The following TRIM44 variants were observed in gnomAD, a reference collection of about 807,000 sequenced individuals.
The protein encoded by TRIM44 is tripartite motif containing 44, also known as tripartite motif-containing protein 44.
TRIM44 carries 13 observed loss-of-function variants against 37.4 expected under a neutral mutation model. The ratio of observed to expected loss-of-function variants is 0.35; its 90% CI spans 0.23 to 0.55. The LOEUF is 0.55. Ranked by LOEUF, TRIM44 falls within the 20% of genes least tolerant of loss-of-function variation. The pLI is 0.89. For synonymous variants in TRIM44, 175 were observed against 157.2 expected, an observed-to-expected ratio of 1.11 and a Z score of -0.85; for missense variants, 426 against 437.2, an observed-to-expected ratio of 0.97 and a Z score of 0.23.
chr11:35,692,379 T>C (rs943995707), intron 2 of TRIM44, among the ~76,000 whole-genome samples: 6 of 152,172 alleles, frequency 3.9e-5, no homozygotes, highest in Non-Finnish European at 5.9e-5. Flanking sequence ...TTCTTTGTCT[T>C]TTGTGCATAA....
rs923892425 is a variant in TRIM44, at chr11:35,809,378, G to C, written c.*2993G>C. 1.3e-5 allele frequency: 2 copies of C among 152,114 alleles called. No homozygotes were observed. The highest frequency in any genetic ancestry group is 4.8e-5 in the African/African-American group (2 of 41,414). 9.4% of individuals were successfully genotyped at this position (152,114 alleles called of 1,614,324 possible). On this transcript the variant is annotated 3_prime_UTR_variant, in exon 5 of 5. Coordinates refer to ENST00000299413, the MANE Select transcript of TRIM44 (RefSeq NM_017583.6). ...AAACAGAAGGATAAAAAGACTTCAG[G>C]TTTTCCCACTGTGTGCTGACCATCC...
chr11:35,789,520 C>A (rs1241650733), intron 4 of TRIM44, among the ~76,000 whole-genome samples: 1 of 152,224 alleles, frequency 6.6e-6, no homozygotes, highest in East Asian at 1.9e-4. Flanking sequence ...AAACTGGGAC[C>A]CAGTGGAATA....
chr11:35,770,904 G>A (rs183760116), intron 4 of TRIM44, among the ~76,000 whole-genome samples: 3 of 152,126 alleles, frequency 2.0e-5, no homozygotes, highest in East Asian at 1.9e-4. Context: ...GCCTCCTGCC[G>A]TGAATCTGAG....
intron 4 of TRIM44, among the ~76,000 whole-genome samples, chr11:35,763,871 A>C (rs2133861611): frequency 6.6e-6 from 1 of 152,282 alleles, no homozygotes; most frequent in South Asian, 2.1e-4. Flanking sequence ...CAGGGCCTGG[A>C]GGTCGTGGAA....
At chr11:35,720,299 A>G (rs910909500) in intron 2 of TRIM44, among the ~76,000 whole-genome samples, 6 of 152,002 alleles carry the variant, frequency 3.9e-5, no homozygotes, top group Admixed American at 3.3e-4. Context: ...TGTAAATGGT[A>G]TTATCTTTTT....
At chr11:35,769,530 A>C (rs1417950107) in intron 4 of TRIM44, among the ~76,000 whole-genome samples, 1 of 152,240 alleles carries the variant, frequency 6.6e-6, no homozygotes, top group African/African-American at 2.4e-5. Context: ...GGAGATTAAC[A>C]GCATGGGATT....
At chr11:35,777,781 G>A (rs967216689) in intron 4 of TRIM44, among the ~76,000 whole-genome samples, 1 of 152,076 alleles carries the variant, frequency 6.6e-6, no homozygotes, top group Non-Finnish European at 1.5e-5. Context: ...TTGAATATTG[G>A]CCCCCACTCT....
intron 4 of TRIM44, among the ~76,000 whole-genome samples, chr11:35,775,021 T>A (rs1450034888): frequency 1.3e-5 from 2 of 152,224 alleles, no homozygotes; most frequent in Non-Finnish European, 2.9e-5. Context: ...ATTGGTAGCT[T>A]GATTGGGGAT....
intron 2 of TRIM44, among the ~76,000 whole-genome samples, chr11:35,710,262 G>A (rs1851951849): frequency 6.6e-6 from 1 of 151,918 alleles, no homozygotes. Context: ...TAGAGAGAGA[G>A]CTTTGTATCC....
intron 4 of TRIM44, among the ~76,000 whole-genome samples, chr11:35,786,729 C>G (rs192279243): frequency 1.7e-3 from 262 of 152,022 alleles, no homozygotes; most frequent in Non-Finnish European, 3.1e-3. Context: ...TATTATAATG[C>G]ATACTCATTG....
At chr11:35,717,092 C>T (rs1239654960) in intron 2 of TRIM44, among the ~76,000 whole-genome samples, 1 of 152,288 alleles carries the variant, frequency 6.6e-6, no homozygotes, top group Non-Finnish European at 1.5e-5. Context: ...TAGAGAAGTA[C>T]ATCAGCCAAG....
At chr11:35,717,670 C>G (rs965102586) in intron 2 of TRIM44, among the ~76,000 whole-genome samples, 3 of 152,056 alleles carry the variant, frequency 2.0e-5, no homozygotes, top group African/African-American at 4.8e-5. Flanking sequence ...ACCCACTGGG[C>G]GGTTACAAAA....
At position 35,694,084 on chromosome 11, in the gene TRIM44, T is replaced by C. The variant is rs1851667862; in HGVS notation, c.747+8748T>C. On this transcript the variant is annotated intron_variant, in intron 2 of 4. Transcript: ENST00000299413. ...CTGAATCTCTACAATACCAGATTTT[T>C]TCTCCATAGGACACAACTGCCAACA... Among the ~76,000 whole-genome samples the C allele has an allele frequency of 2.6e-5, 4 of 152,182 alleles. No homozygotes were observed. The South Asian group carries it at 8.3e-4, about 32-fold the overall frequency.
chr11:35,725,555 C>T (rs754966360), intron 2 of TRIM44, among the ~76,000 whole-genome samples: 6 of 152,050 alleles, frequency 3.9e-5, no homozygotes, highest in African/African-American at 7.2e-5. Flanking sequence ...AGGCTGGTTT[C>T]GAACTCCTGA....
chr11:35,777,764 T>A (rs1852992169), intron 4 of TRIM44, among the ~76,000 whole-genome samples: 1 of 152,168 alleles, frequency 6.6e-6, no homozygotes, highest in Non-Finnish European at 1.5e-5. Context: ...TCTTTTCTTT[T>A]AGAATTTTGA....
At chr11:35,753,691 T>G (rs1178864966) in intron 4 of TRIM44, among the ~76,000 whole-genome samples, 1 of 152,212 alleles carries the variant, frequency 6.6e-6, no homozygotes, top group Non-Finnish European at 1.5e-5. Flanking sequence ...AGATCTATCC[T>G]AATGCTGTTT....
At chr11:35,689,577 T>C (rs1403582122) in intron 2 of TRIM44, among the ~76,000 whole-genome samples, 1 of 152,212 alleles carries the variant, frequency 6.6e-6, no homozygotes, top group African/African-American at 2.4e-5. Context: ...TTCTTATCTG[T>C]AGATTGAGTA....
intron 2 of TRIM44, among the ~76,000 whole-genome samples, chr11:35,701,107 T>A (rs1468137791): frequency 6.6e-6 from 1 of 152,092 alleles, no homozygotes; most frequent in Non-Finnish European, 1.5e-5. Context: ...CCTAATATAA[T>A]AAGCAGGCAC....
intron 1 of TRIM44, among the ~76,000 whole-genome samples, chr11:35,681,481 TA>T (rs921799968): frequency 1.3e-5 from 2 of 152,146 alleles, no homozygotes; most frequent in Non-Finnish European, 2.9e-5. Context: ...TACACCTTCT[TA>T]GGGGAGGAAC....
Sources: allele counts gnomAD v4.1 joint callset (sites outside exome capture counted in the v4.1 genomes callset), GRCh38; gene constraint gnomAD v4.1.1; transcripts MANE v1.5; gene names NCBI Gene and HGNC (gene_info 2026-07-23, HGNC 2026-07-21).